The following GUCA1C variants were observed in gnomAD, a reference collection of about 807,000 sequenced individuals.
GUCA1C encodes guanylyl cyclase-activating protein 3.
GUCA1C carries 15 observed loss-of-function variants against 16.2 expected under a neutral mutation model. That is an observed-to-expected ratio of 0.93 (90% CI 0.62 to 1.43). The LOEUF (loss-of-function observed/expected upper bound fraction) is 1.43. Among genes scored for constraint, GUCA1C ranks in the 40% most tolerant of loss-of-function variants. The pLI, the probability that GUCA1C is intolerant of heterozygous loss-of-function variation, is 0.00. For missense variants in GUCA1C, 275 were observed against 244.8 expected (o/e 1.12, Z -0.82); for synonymous variants, 78 against 85.4 (o/e 0.91, Z 0.48).
chr3:108,929,894 T>C (rs904393175), intron 1 of GUCA1C, among the ~76,000 whole-genome samples: 6 of 152,212 alleles, frequency 3.9e-5, no homozygotes, highest in African/African-American at 1.4e-4. Context: ...GTTTTAGGTA[T>C]GAATCAAAAT....
At chr3:108,947,045 A>T (rs575983474) in intron 1 of GUCA1C, among the ~76,000 whole-genome samples, 1 of 152,176 alleles carries the variant, frequency 6.6e-6, no homozygotes. Flanking sequence ...CAAAGAAATG[A>T]TAAGTATGTG....
intron 3 of GUCA1C, 102 bp downstream of exon 3, chr3:108,916,025 G>C: frequency 1.4e-6 from 2 of 1,442,352 alleles, no homozygotes; most frequent in Non-Finnish European, 1.9e-6. Flanking sequence ...TCACAACTAG[G>C]GTTCTCTTGA....
At chr3:108,937,540 T>A (rs1271145895) in intron 1 of GUCA1C, among the ~76,000 whole-genome samples, 2 of 152,240 alleles carry the variant, frequency 1.3e-5, no homozygotes, top group African/African-American at 4.8e-5. Flanking sequence ...GAATTTTAGT[T>A]CTAGAAACAG....
intron 1 of GUCA1C, among the ~76,000 whole-genome samples, chr3:108,950,560 T>G (rs1319662539): frequency 6.6e-6 from 1 of 152,166 alleles, no homozygotes; most frequent in Non-Finnish European, 1.5e-5. Flanking sequence ...ACTCAGAAAG[T>G]GTTATTGTTA....
chr3:108,911,337 G>A (rs141571111), intron 3 of GUCA1C, among the ~76,000 whole-genome samples: 347 of 152,132 alleles, frequency 2.3e-3, no homozygotes, highest in African/African-American at 8.1e-3. Context: ...GCCTACATTA[G>A]CATTTCTGGT....
intron 1 of GUCA1C, among the ~76,000 whole-genome samples, chr3:108,951,641 A>T (rs922885848): frequency 6.6e-6 from 1 of 152,100 alleles, no homozygotes; most frequent in Non-Finnish European, 1.5e-5. Context: ...TACCCTTGTC[A>T]TTTTACCACC....
chr3:108,922,204 T>C lies in GUCA1C; in HGVS notation c.205-1619A>G, dbSNP rs2593947. 6.4e-3 allele frequency among the ~76,000 whole-genome samples: 298 copies of C among 46,634 alleles called. 1 individual carries two copies. The highest frequency in any genetic ancestry group is 0.017 in the South Asian group (26 of 1,542). 30.6% of individuals were successfully genotyped at this position (46,634 alleles called of 152,430 possible). ...ACACACACACACACACACACACACA[T>C]ATATATATGGATAATTTTCTTTATC... On this transcript the variant is annotated intron_variant, in intron 1 of 3. Coordinates refer to ENST00000261047, the MANE Select transcript of GUCA1C (RefSeq NM_005459.4).
At chr3:108,928,370 A>G (rs1188305006) in intron 1 of GUCA1C, among the ~76,000 whole-genome samples, 1 of 152,194 alleles carries the variant, frequency 6.6e-6, no homozygotes, top group Non-Finnish European at 1.5e-5. Context: ...TGTTTTTTGC[A>G]GATATTTTCT....
At chr3:108,912,711 C>A (rs1300784464) in intron 3 of GUCA1C, among the ~76,000 whole-genome samples, 244 of 143,438 alleles carry the variant, frequency 1.7e-3, no homozygotes, top group African/African-American at 1.5e-3. Context: ...TTGTTAATTT[C>A]AAAAAAAAAA....
intron 1 of GUCA1C, among the ~76,000 whole-genome samples, chr3:108,949,761 A>T (rs1946879741): frequency 6.6e-6 from 1 of 152,212 alleles, no homozygotes; most frequent in African/African-American, 2.4e-5. Context: ...ATTAAGGAAT[A>T]GTTGACAAAT....
intron 3 of GUCA1C, among the ~76,000 whole-genome samples, chr3:108,914,330 T>C (rs753812412): frequency 6.6e-5 from 10 of 152,178 alleles, no homozygotes; most frequent in Non-Finnish European, 1.3e-4. Context: ...TTTTATCGAT[T>C]CCTTATACTT....
At chr3:108,946,891 G>GAAAAAAAA (rs10607933) in intron 1 of GUCA1C, among the ~76,000 whole-genome samples, 1 of 96,400 alleles carries the variant, frequency 1.0e-5, no homozygotes. Context: ...TCAAGAATCT[G>GAAAAAAAA]AAAAAAAAAA....
intron 1 of GUCA1C, among the ~76,000 whole-genome samples, chr3:108,931,900 G>C (rs1349225376): frequency 7.9e-6 from 1 of 126,820 alleles, no homozygotes; most frequent in African/African-American, 3.1e-5. Flanking sequence ...ACGGAGTCTC[G>C]CTCTGTCACC....
chr3:108,929,845 T>C (rs1020518067), intron 1 of GUCA1C, among the ~76,000 whole-genome samples: 3 of 152,176 alleles, frequency 2.0e-5, no homozygotes, highest in Admixed American at 2.0e-4. Context: ...GGTTGATATT[T>C]TTGGACTGCT....
chr3:108,931,519 C>T (rs564313768), intron 1 of GUCA1C, among the ~76,000 whole-genome samples: 239 of 152,342 alleles, frequency 1.6e-3, no homozygotes, highest in African/African-American at 5.6e-3. Context: ...TTCTGTCATG[C>T]ACCCAGGCAA....
chr3:108,925,610 G>C (rs894831904), intron 1 of GUCA1C, among the ~76,000 whole-genome samples: 8 of 152,168 alleles, frequency 5.3e-5, no homozygotes, highest in African/African-American at 1.7e-4. Context: ...GTGTTGGGTA[G>C]AATGCTCTGT....
intron 2 of GUCA1C, among the ~76,000 whole-genome samples, chr3:108,917,135 CA>C (rs1390320852): frequency 2.6e-5 from 4 of 152,118 alleles, no homozygotes; most frequent in Admixed American, 1.3e-4. Flanking sequence ...AAATATAGGA[CA>C]GTATTTAAAG....
intron 1 of GUCA1C, among the ~76,000 whole-genome samples, chr3:108,931,367 C>T (rs1299940122): frequency 2.6e-5 from 4 of 152,296 alleles, no homozygotes; most frequent in South Asian, 2.1e-4. Flanking sequence ...CTGGGCAAGC[C>T]CTTACCATGA....
chr3:108,921,617 G>A (rs1946569671), intron 1 of GUCA1C, among the ~76,000 whole-genome samples: 1 of 152,076 alleles, frequency 6.6e-6, no homozygotes, highest in Admixed American at 6.6e-5. Flanking sequence ...TTAGTGTTCT[G>A]GATTTTGGCC....
Sources: allele counts gnomAD v4.1 joint callset (sites outside exome capture counted in the v4.1 genomes callset), GRCh38; gene constraint gnomAD v4.1.1; transcripts MANE v1.5; gene names NCBI Gene and HGNC (gene_info 2026-07-23, HGNC 2026-07-21).